The following PDE7A variants were observed in gnomAD, a reference collection of about 807,000 sequenced individuals.
The protein encoded by PDE7A is high affinity 3',5'-cyclic-AMP phosphodiesterase 7A.
A neutral mutation model predicts 64.3 loss-of-function variants in PDE7A; 39 were observed. The ratio of observed to expected loss-of-function variants is 0.61; its 90% CI spans 0.47 to 0.79. The LOEUF is 0.79. Ranked by LOEUF, PDE7A falls within the 30% of genes least tolerant of loss-of-function variation. PDE7A has a pLI of 0.00. For synonymous variants in PDE7A, 203 were observed against 206.8 expected (o/e 0.98, Z 0.16); for missense variants, 470 against 582.8 (o/e 0.81, Z 1.99).
chr8:65,816,924 C>G (rs1329852964), intron 1 of PDE7A, among the ~76,000 whole-genome samples: 2 of 152,158 alleles, frequency 1.3e-5, no homozygotes, highest in Non-Finnish European at 2.9e-5. Flanking sequence ...CTGACCCTTT[C>G]TCCTTTTGAG....
chr8:65,766,068 C>A (rs548471995), intron 3 of PDE7A, among the ~76,000 whole-genome samples: 3 of 152,204 alleles, frequency 2.0e-5, no homozygotes, highest in Non-Finnish European at 4.4e-5. Context: ...GCCTCAGCCT[C>A]CCGAGCAGCT....
rs959492119 is a variant in PDE7A, at chr8:65,716,530, G to T, written c.*2760C>A. ...AACATGAATATCACAGAAGACATGG[G>T]TCTTCTGTGCACCCAAAGGGACATG... On this transcript the variant is annotated 3_prime_UTR_variant, in exon 13 of 13. Transcript: ENST00000401827. Among the ~76,000 whole-genome samples the T allele has an allele frequency of 6.6e-6, 1 of 152,134 alleles. No homozygotes were observed. The highest frequency in any genetic ancestry group is 1.9e-4 in the East Asian group (1 of 5,196).
intron 12 of PDE7A, chr8:65,722,887 G>A (rs1806443765): frequency 6.6e-6 from 1 of 152,196 alleles, no homozygotes; most frequent in South Asian, 2.1e-4. Context: ...GGTGACATTT[G>A]AGCTGCCTCT....
At position 65,772,882 on chromosome 8, in the gene PDE7A, C is replaced by A. The variant is rs563543349; in HGVS notation, c.283+6838G>T. ...AATTAGCCAGGTGTGGTGGCACACA[C>A]CTGTAATCCCAGCTACTTGGGAGGC... On this transcript the variant is annotated intron_variant, in intron 3 of 12. Coordinates refer to ENST00000401827, the MANE Select transcript of PDE7A (RefSeq NM_001242318.3). Among the ~76,000 whole-genome samples, 319 of 152,190 alleles carry A rather than the reference C, an allele frequency of 2.1e-3. 1 individual carries two copies. Among genetic ancestry groups the A allele is most frequent in the African/African-American group, 7.2e-3 (298 of 41,524 alleles).
intron 7 of PDE7A, 121 bp from the exon 8 acceptor site, chr8:65,727,422 T>G: frequency 7.2e-7 from 1 of 1,391,200 alleles, no homozygotes; most frequent in East Asian, 2.5e-5. Flanking sequence ...CTTCACGTCA[T>G]TCCTCAGGTG....
At chr8:65,764,478 G>A (rs1808667832) in intron 3 of PDE7A, among the ~76,000 whole-genome samples, 1 of 152,196 alleles carries the variant, frequency 6.6e-6, no homozygotes. Flanking sequence ...GGAAACTAAT[G>A]ACCATGCAGT....
intron 1 of PDE7A, among the ~76,000 whole-genome samples, chr8:65,823,594 C>T (rs370940079): frequency 3.3e-5 from 5 of 152,100 alleles, no homozygotes; most frequent in Admixed American, 1.3e-4. Context: ...TTCAGTTACA[C>T]GCATAAAAAT....
intron 6 of PDE7A, among the ~76,000 whole-genome samples, chr8:65,738,898 T>C (rs554854700): frequency 5.3e-5 from 8 of 152,234 alleles, no homozygotes; most frequent in Admixed American, 2.6e-4. Context: ...GTAAGGAACA[T>C]TGCAAAATGA....
Position 65,752,290 on chromosome 8 carries a change from TA to T in PDE7A, c.284-4488del, listed in dbSNP as rs148061803. The stretch of plus-strand genomic sequence containing the variant: ...CTCAATAACGCAAGACCTTTTATCT[TA>T]ATTTCCCCAGTTATCTATTTGCTTG... On this transcript the variant is annotated intron_variant, in intron 3 of 12. Transcript: ENST00000401827. Among the ~76,000 whole-genome samples the T allele has an allele frequency of 4.1e-3, 628 of 152,334 alleles. 2 individuals are homozygous for T. The highest frequency in any genetic ancestry group is 7.4e-3 in the Non-Finnish European group (504 of 68,024).
chr8:65,779,994 G>A (rs1021293306), intron 2 of PDE7A, among the ~76,000 whole-genome samples, 191 bp from the exon 3 acceptor site: 2 of 152,066 alleles, frequency 1.3e-5, no homozygotes, highest in African/African-American at 4.8e-5. Flanking sequence ...TTGTAAGGCT[G>A]AATGAGGAGG....
chr8:65,812,880 G>C (rs1275208504), intron 1 of PDE7A, among the ~76,000 whole-genome samples: 1 of 152,134 alleles, frequency 6.6e-6, no homozygotes, highest in Non-Finnish European at 1.5e-5. Context: ...TAAGGGTATG[G>C]AGATAACGAG....
intron 3 of PDE7A, among the ~76,000 whole-genome samples, chr8:65,754,241 G>C (rs1808108563): frequency 6.6e-6 from 1 of 151,948 alleles, no homozygotes; most frequent in Non-Finnish European, 1.5e-5. Context: ...TGATTAGATG[G>C]TGCCCCCCCG....
intron 1 of PDE7A, among the ~76,000 whole-genome samples, chr8:65,790,322 A>G (rs1809666641): frequency 6.6e-6 from 1 of 152,132 alleles, no homozygotes. Flanking sequence ...TTTTAAAAAG[A>G]CCACTTTGGT....
intron 3 of PDE7A, among the ~76,000 whole-genome samples, chr8:65,755,798 T>C (rs1808210695): frequency 6.6e-6 from 1 of 152,228 alleles, no homozygotes; most frequent in South Asian, 2.1e-4. Context: ...TTCTTTCTTA[T>C]TCTCTTTGAA....
At chr8:65,727,114 T>G (rs1806643295) in intron 8 of PDE7A, 56 bp downstream of exon 8, 1 of 1,172,012 alleles carries the variant, frequency 8.5e-7, no homozygotes, top group African/African-American at 1.5e-5. Flanking sequence ...CTTCAAAATA[T>G]GAAAGATTTT....
chr8:65,825,683 G>T (rs1489447892), intron 1 of PDE7A, among the ~76,000 whole-genome samples: 1 of 152,158 alleles, frequency 6.6e-6, no homozygotes, highest in Non-Finnish European at 1.5e-5. Flanking sequence ...TTCATCCAAA[G>T]GAAAGTTATG....
At chr8:65,808,580 G>T (rs1346228984) in intron 1 of PDE7A, among the ~76,000 whole-genome samples, 1 of 151,956 alleles carries the variant, frequency 6.6e-6, no homozygotes, top group African/African-American at 2.4e-5. Context: ...TGTTCACAAT[G>T]TTATTATCTC....
At position 65,745,449 on chromosome 8, in the gene PDE7A, T is replaced by A; in HGVS notation, c.457A>T (p.Asn153Tyr). The change falls in exon 5 of 13, where the codon AAT (asparagine) becomes TAT (tyrosine). Residue 153 changes from asparagine to tyrosine, a missense_variant. Transcript: ENST00000401827. ...AATAGAAAGATATCAAAATTCCAAT[T>A]TCCAACTTTTTCCAGCATACACTGA... ...QAKCMLEKVG[N>Y]WNFDIFLFDR... 2 of 1,565,948 alleles carry A rather than the reference T, an allele frequency of 1.3e-6. No individual in the cohort carries two copies. The highest frequency in any genetic ancestry group is 1.8e-6 in the Non-Finnish European group (2 of 1,136,358).
chr8:65,754,859 G>C (rs1808148039), intron 3 of PDE7A, among the ~76,000 whole-genome samples: 1 of 149,006 alleles, frequency 6.7e-6, no homozygotes, highest in African/African-American at 2.4e-5. Flanking sequence ...CATCTACTCG[G>C]GAGGCTGAGG....
Sources: allele counts gnomAD v4.1 joint callset (sites outside exome capture counted in the v4.1 genomes callset), GRCh38; gene constraint gnomAD v4.1.1; transcripts MANE v1.5; gene names NCBI Gene and HGNC (gene_info 2026-07-23, HGNC 2026-07-21).